CEP15: variants seen among roughly 807,000 people sequenced by gnomAD.
CEP15 encodes centrosomal protein 15 kDa.
chr3:62,333,504 T>G, the CEP15 span: 8 of 1,151,872 alleles, frequency 6.9e-6, no homozygotes, highest in Non-Finnish European at 9.5e-6. This position sits in a 1 kb window ranked among gnomAD's most constrained non-coding sequence, Gnocchi z 4.0. Context: ...GATTATCTCC[T>G]AAGTGACAGT....
chr3:62,322,971 A>G, the CEP15 span, among the ~76,000 whole-genome samples: 4 of 152,332 alleles, frequency 2.6e-5, no homozygotes, highest in South Asian at 8.3e-4. The surrounding 1 kb of genome is among the most constrained non-coding windows in gnomAD (Gnocchi z 5.5). Flanking sequence ...TACTTGCCCA[A>G]TGGTGTTAGC....
the CEP15 span, chr3:62,321,916 C>G: frequency 1.5e-4 from 228 of 1,557,924 alleles, no homozygotes; most frequent in Non-Finnish European, 1.9e-4. The surrounding 1 kb of genome is among the most constrained non-coding windows in gnomAD (Gnocchi z 4.1). Context: ...ATATAATCTT[C>G]GTTTTTTTTC....
the CEP15 span, among the ~76,000 whole-genome samples, chr3:62,331,016 A>G: frequency 6.6e-6 from 1 of 152,144 alleles, no homozygotes; most frequent in Non-Finnish European, 1.5e-5. Flanking sequence ...AAATTAATGC[A>G]CTGAGCAGTA....
the CEP15 span, among the ~76,000 whole-genome samples, chr3:62,323,150 G>A: frequency 4.6e-5 from 7 of 152,072 alleles, no homozygotes; most frequent in African/African-American, 1.4e-4. Context: ...ATGCTTAGAG[G>A]GTCCTTACTA....
the CEP15 span, chr3:62,333,250 T>C: frequency 6.2e-7 from 1 of 1,606,350 alleles, no homozygotes; most frequent in Non-Finnish European, 8.5e-7. The surrounding 1 kb of genome is among the most constrained non-coding windows in gnomAD (Gnocchi z 4.0). Flanking sequence ...GATTTTTTTT[T>C]CCAGACTCGT....
the CEP15 span, chr3:62,322,007 T>C: frequency 1.9e-6 from 3 of 1,610,574 alleles, no homozygotes; most frequent in South Asian, 3.3e-5. This position sits in a 1 kb window ranked among gnomAD's most constrained non-coding sequence, Gnocchi z 5.5. Context: ...GCATCTCAAC[T>C]CCAAACTGTT....
At chr3:62,336,085 A>G in the CEP15 span, 1 of 152,174 alleles carries the variant, frequency 6.6e-6, no homozygotes, top group Non-Finnish European at 1.5e-5. The surrounding 1 kb of genome is among the most constrained non-coding windows in gnomAD (Gnocchi z 4.4). Flanking sequence ...CTTAAGGTTT[A>G]GATGAAGATA....
the CEP15 span, among the ~76,000 whole-genome samples, chr3:62,323,317 G>C: frequency 2.6e-5 from 4 of 152,206 alleles, 1 homozygote; most frequent in African/African-American, 7.2e-5. Context: ...TTGAGAGCTA[G>C]AATATTCCAA....
At chr3:62,326,798 G>A in the CEP15 span, among the ~76,000 whole-genome samples, 1 of 152,084 alleles carries the variant, frequency 6.6e-6, no homozygotes, top group African/African-American at 2.4e-5. Context: ...TATTTTGAAG[G>A]TATTCTCCAG....
At chr3:62,320,395 C>A in the CEP15 span, 1 of 1,169,586 alleles carries the variant, frequency 8.6e-7, no homozygotes, top group South Asian at 1.4e-5. Flanking sequence ...CTAAAATAAT[C>A]AAATGTTGCA....
the CEP15 span, chr3:62,333,735 A>AGTT: frequency 1.2e-5 from 2 of 163,518 alleles, no homozygotes; most frequent in African/African-American, 4.8e-5. The surrounding 1 kb of genome is among the most constrained non-coding windows in gnomAD (Gnocchi z 4.0). Context: ...TCTGGTTTTA[A>AGTT]GTTAAGTTTT....
the CEP15 span, among the ~76,000 whole-genome samples, chr3:62,330,619 A>G: frequency 1.3e-5 from 2 of 152,188 alleles, no homozygotes; most frequent in Non-Finnish European, 1.5e-5. Context: ...ATGTACAAGT[A>G]AAACTACACA....
chr3:62,329,276 T>C, the CEP15 span, among the ~76,000 whole-genome samples: 1 of 152,186 alleles, frequency 6.6e-6, no homozygotes, highest in Non-Finnish European at 1.5e-5. Context: ...GAATTCCCAC[T>C]ATTGTTCATT....
At chr3:62,332,826 C>G in the CEP15 span, among the ~76,000 whole-genome samples, 1 of 151,960 alleles carries the variant, frequency 6.6e-6, no homozygotes, top group Admixed American at 6.6e-5. Flanking sequence ...GATGTTAATC[C>G]TGAAGCATGA....
At chr3:62,333,130 ATGTGTGTG>A in the CEP15 span, 2 of 751,580 alleles carry the variant, frequency 2.7e-6, no homozygotes, top group African/African-American at 1.8e-5. This position sits in a 1 kb window ranked among gnomAD's most constrained non-coding sequence, Gnocchi z 4.0. Flanking sequence ...TTCTACATAT[ATGTGTGTG>A]TGTGTGTGTG....
chr3:62,335,756 G>T, the CEP15 span: 2 of 151,936 alleles, frequency 1.3e-5, no homozygotes, highest in Non-Finnish European at 2.9e-5. Flanking sequence ...TTAGAAAAAT[G>T]GAGTTTTCAA....
At chr3:62,321,973 T>A in the CEP15 span, 3,594 of 1,607,270 alleles carry the variant, frequency 2.2e-3, 8 homozygotes, top group Non-Finnish European at 2.8e-3. The surrounding 1 kb of genome is among the most constrained non-coding windows in gnomAD (Gnocchi z 4.1). Context: ...GGAGAATAAA[T>A]TGGGTGATCA....
At chr3:62,321,284 C>T in the CEP15 span, among the ~76,000 whole-genome samples, 27 of 152,114 alleles carry the variant, frequency 1.8e-4, no homozygotes, top group African/African-American at 5.6e-4. This position sits in a 1 kb window ranked among gnomAD's most constrained non-coding sequence, Gnocchi z 4.1. Context: ...TTATATGTAA[C>T]GAAGTAGTTT....
chr3:62,321,868 T>G, the CEP15 span: 2 of 1,301,792 alleles, frequency 1.5e-6, no homozygotes, highest in Non-Finnish European at 2.1e-6. This position sits in a 1 kb window ranked among gnomAD's most constrained non-coding sequence, Gnocchi z 4.1. Context: ...TTTATATTGG[T>G]CAAGCAGTAA....
Sources: gnomAD v4.1 joint callset for allele counts (sites outside exome capture counted in the v4.1 genomes callset) on GRCh38, gnomAD v4.1.1 for gene constraint, Gnocchi (gnomAD v3.1) non-coding constraint, MANE v1.5 for transcripts, NCBI Gene and HGNC (gene_info 2026-07-23, HGNC 2026-07-21) for gene names.